CEP78: variants seen among roughly 807,000 people sequenced by gnomAD.
The protein encoded by CEP78 is centrosomal protein 78, also known as centrosomal protein of 78 kDa.
In CEP78, 76 loss-of-function variants were observed where a neutral mutation model predicts 81.2. The ratio of observed to expected loss-of-function variants is 0.94; its 90% CI spans 0.78 to 1.13. The LOEUF (loss-of-function observed/expected upper bound fraction) is 1.13, where lower values mean the gene tolerates loss of function less well. Among genes scored for constraint, CEP78 ranks in the 50% most tolerant of loss-of-function variants. The pLI, the probability that CEP78 is intolerant of heterozygous loss-of-function variation, is 0.00. For synonymous variants in CEP78, 293 were observed against 301.4 expected (o/e 0.97, Z 0.29); for missense variants, 918 against 846.8 (o/e 1.08, Z -1.04).
intron 5 of CEP78, 101 bp downstream of exon 5, chr9:78,243,737 G>T: frequency 1.2e-6 from 1 of 862,128 alleles, no homozygotes. Context: ...TTTTTAAAAA[G>T]CCTCTTTTTT....
intron 5 of CEP78, among the ~76,000 whole-genome samples, chr9:78,245,501 C>T (rs139991596): frequency 4.4e-4 from 67 of 152,260 alleles, no homozygotes; most frequent in African/African-American, 1.5e-3. Context: ...AATACTACTA[C>T]CCTGTTGTGG....
intron 1 of CEP78, among the ~76,000 whole-genome samples, chr9:78,237,274 C>T (rs1035025981): frequency 6.6e-6 from 1 of 152,002 alleles, no homozygotes; most frequent in African/African-American, 2.4e-5. Flanking sequence ...AGCCACCGCG[C>T]CCGGCCTGTC....
Position 78,253,185 on chromosome 9 carries a change from G to A in CEP78, c.1206-47G>A, listed in dbSNP as rs139943192. The A allele has an allele frequency of 7.2e-4, 582 of 804,168 alleles. No individual in the cohort carries two copies. In the African/African-American group the frequency reaches 8.9e-3, roughly 12 times the overall value. The allele number at this position is 804,168 out of a possible 1,614,324, so 49.8% of individuals were successfully genotyped here. On this transcript the variant is annotated intron_variant, in intron 9 of 16. Coordinates refer to ENST00000643273, the MANE Select transcript of CEP78 (RefSeq NM_001330691.3). The stretch of plus-strand genomic sequence containing the variant: ...GTGTTATTACCTAGTGTTAACTGGT[G>A]GTGTATTTACATCAAAATATAACTT...
Position 78,248,856 on chromosome 9 carries a change from A to T in CEP78, c.1052A>T (p.Lys351Ile). 1 of 1,575,984 alleles carries T rather than the reference A, an allele frequency of 6.3e-7. No individual in the cohort carries two copies. The highest frequency in any genetic ancestry group is 2.3e-5 in the East Asian group (1 of 44,322). Residue 351 changes from lysine to isoleucine, a missense_variant, in exon 8 of 17, where the codon AAA (lysine) becomes ATA (isoleucine). Coordinates refer to ENST00000643273, the MANE Select transcript of CEP78 (RefSeq NM_001330691.3). Reference sequence around the variant, plus strand: ...ATTCTAGGAAGTGGTCACAAAGGAAAAGCTACTATTAGAATTGGTAACCTT... The same window carrying T: ...ATTCTAGGAAGTGGTCACAAAGGAATAGCTACTATTAGAATTGGTAACCTT... ...TIILGSGHKG[K>I]ATIRIGLATK... is the part of the protein sequence containing the mutation.
At chr9:78,248,739 A>T (rs1011961824) in intron 7 of CEP78, 23 bp from the exon 8 acceptor site, 1 of 1,177,720 alleles carries the variant, frequency 8.5e-7, no homozygotes, top group East Asian at 2.4e-5. Context: ...ACTGAAATAT[A>T]GTGTTTATTC....
chr9:78,263,949 A>C (rs1450137011), intron 12 of CEP78: 6 of 324,604 alleles, frequency 1.8e-5, no homozygotes, highest in Non-Finnish European at 2.2e-5. Context: ...ATGAAATACT[A>C]TTTATATTAT....
At chr9:78,240,660 A>T (rs1826184221) in intron 3 of CEP78, among the ~76,000 whole-genome samples, 1 of 152,138 alleles carries the variant, frequency 6.6e-6, no homozygotes, top group African/African-American at 2.4e-5. Context: ...TATGGGAAGG[A>T]AATAGCAAAA....
Position 78,240,861 on chromosome 9 carries a change from G to A in CEP78, c.499+497G>A, listed in dbSNP as rs111500410. ...GCCTATAGTCCCAGCCACTCAGGAG[G>A]CTGAGGCAGGAGAATGGTGTGAACC... On this transcript the variant is annotated intron_variant, in intron 3 of 16. Transcript: ENST00000643273. Among the ~76,000 whole-genome samples the A allele has an allele frequency of 3.9e-3, 596 of 152,106 alleles. 4 individuals are homozygous for A. The highest frequency in any genetic ancestry group is 0.014 in the African/African-American group (566 of 41,486).
chr9:78,264,325 C>T lies in CEP78; in HGVS notation c.1625+9C>T, dbSNP rs1232425799. On this transcript the variant is annotated intron_variant, in intron 13 of 16. Transcript: ENST00000643273. Reference sequence around the variant, plus strand: ...CTCCTTAAAGATGCTGGGTTAGTTACTTTCTCCCTATGACATTCGTCCCTC... The same window carrying T: ...CTCCTTAAAGATGCTGGGTTAGTTATTTTCTCCCTATGACATTCGTCCCTC... The T allele has an allele frequency of 5.0e-6, 8 of 1,611,850 alleles. No homozygotes were observed. Among genetic ancestry groups the T allele is most frequent in the Non-Finnish European group, 6.8e-6 (8 of 1,178,786 alleles).
chr9:78,241,243 C>CCT (rs1482567449), intron 3 of CEP78, among the ~76,000 whole-genome samples: 1 of 152,010 alleles, frequency 6.6e-6, no homozygotes, highest in East Asian at 1.9e-4. Context: ...AGTTAAAAGG[C>CCT]CTCTGTCTTC....
At chr9:78,267,503 A>T (rs746380910) in intron 16 of CEP78, among the ~76,000 whole-genome samples, 44 of 152,342 alleles carry the variant, frequency 2.9e-4, no homozygotes, top group Admixed American at 1.3e-3. Flanking sequence ...ACCCTATAAG[A>T]TAGGGAACTA....
intron 16 of CEP78, among the ~76,000 whole-genome samples, chr9:78,270,232 C>G (rs1413554368): frequency 6.6e-6 from 1 of 152,018 alleles, no homozygotes; most frequent in Non-Finnish European, 1.5e-5. Context: ...TTTACAAGAC[C>G]TACACACAAT....
At chr9:78,253,464 G>A in intron 10 of CEP78, 187 bp downstream of exon 10, 2 of 524,442 alleles carry the variant, frequency 3.8e-6, no homozygotes, top group South Asian at 5.5e-5. Flanking sequence ...CACAATGGAG[G>A]CCTTGTGGTT....
chr9:78,266,737 AC>A, intron 16 of CEP78, 34 bp downstream of exon 16: 3 of 1,609,044 alleles, frequency 1.9e-6, no homozygotes, highest in Non-Finnish European at 2.5e-6. Context: ...GATAAGCAAC[AC>A]CCTGGAAAGG....
chr9:78,241,829 T>TG, intron 4 of CEP78, 30 bp downstream of exon 4: 1 of 1,197,356 alleles, frequency 8.4e-7, no homozygotes, highest in Non-Finnish European at 1.2e-6. Context: ...TTCATGAAAA[T>TG]GTGTTATATG....
In CEP78 at chr9:78,248,753, C is replaced by G. The variant is rs1322841298; in HGVS notation, c.958-9C>G. 2 of 1,406,600 alleles carry G rather than the reference C, an allele frequency of 1.4e-6. No homozygotes were observed. The allele number at this position is 1,406,600 out of a possible 1,614,324, so 87.1% of individuals were successfully genotyped here. On this transcript the variant is annotated splice_polypyrimidine_tract_variant and intron_variant, in intron 7 of 16. Transcript: ENST00000643273. ...AACTGAAATATAGTGTTTATTCTGT[C>G]TCTTTTAGTACCAGTGGATAACTTC... is the stretch of plus-strand genomic sequence containing the variant.
chr9:78,239,846 A>G (rs1357705600), intron 1 of CEP78, among the ~76,000 whole-genome samples, 177 bp from the exon 2 acceptor site: 2 of 152,198 alleles, frequency 1.3e-5, no homozygotes, highest in African/African-American at 2.4e-5. Context: ...CTTTGCTTCC[A>G]TAAGAACCTC....
chr9:78,253,264 G>A lies in CEP78; in HGVS notation c.1238G>A (p.Cys413Tyr). ...CCATTAATCAAAACACGTGATATAT[G>A]TAATCAGTTGCAGGTACGTAGTTAC... ...GFPLIKTRDICNQLQQPGFPV... is the reference protein window; with the variant it reads ...GFPLIKTRDIYNQLQQPGFPV... Residue 413 changes from cysteine to tyrosine, a missense_variant, in exon 10 of 17, where the codon TGT (cysteine) becomes TAT (tyrosine). Transcript: ENST00000643273. 3 of 1,369,392 alleles carry A rather than the reference G, an allele frequency of 2.2e-6. No homozygotes were observed. The highest frequency in any genetic ancestry group is 2.1e-6 in the Non-Finnish European group (2 of 969,834). 84.8% of individuals were successfully genotyped at this position (1,369,392 alleles called of 1,614,324 possible). A position where few individuals can be genotyped will look rare whatever the true frequency, so the allele number is the denominator to read the frequency against.
Position 78,236,085 on chromosome 9 carries a change from C to G in CEP78, c.-266C>G, listed in dbSNP as rs1252896366. 1 of 485,780 alleles carries G rather than the reference C, an allele frequency of 2.1e-6. No homozygotes were observed. The highest frequency in any genetic ancestry group is 2.1e-5 in the African/African-American group (1 of 48,108). The allele number at this position is 485,780 out of a possible 1,614,324, so 30.1% of individuals were successfully genotyped here. ...ACGGCACCGCCCACCGGCTTGAATC[C>G]CGGCGCCTCAGAGGACTATGAGGCG... is the stretch of plus-strand genomic sequence containing the variant. On this transcript the variant is annotated 5_prime_UTR_variant, in exon 1 of 17. Transcript: ENST00000643273.
Sources: allele counts gnomAD v4.1 joint callset (sites outside exome capture counted in the v4.1 genomes callset), GRCh38; gene constraint gnomAD v4.1.1; transcripts MANE v1.5; gene names NCBI Gene and HGNC (gene_info 2026-07-23, HGNC 2026-07-21).